Variants in BRINP3 observed in about 807,000 individuals in gnomAD.
The protein encoded by BRINP3 is BMP/retinoic acid inducible neural specific 3, also known as BMP/retinoic acid-inducible neural-specific protein 3.
A neutral mutation model predicts 71.0 loss-of-function variants in BRINP3; 19 were observed. The ratio of observed to expected loss-of-function variants is 0.27; its 90% CI spans 0.19 to 0.39. BRINP3 has a LOEUF of 0.39. Among genes scored for constraint, BRINP3 ranks in the 10% least tolerant of loss-of-function variants. The probability of loss-of-function intolerance (pLI) is 1.00; values close to 1 mark genes in which losing one functional copy is unlikely to be tolerated. For synonymous variants in BRINP3, 380 were observed against 337.7 expected (o/e 1.13, Z -1.37); for missense variants, 959 against 940.8 (o/e 1.02, Z -0.25).
intron 7 of BRINP3, among the ~76,000 whole-genome samples, chr1:190,126,220 C>T (rs1272104699): frequency 6.6e-6 from 1 of 151,950 alleles, no homozygotes; most frequent in Non-Finnish European, 1.5e-5. Context: ...AACCTAAGAA[C>T]AATTTAAAAA....
chr1:190,447,010 C>G (rs1202984689), intron 2 of BRINP3, among the ~76,000 whole-genome samples: 1 of 151,768 alleles, frequency 6.6e-6, no homozygotes, highest in East Asian at 1.9e-4. Flanking sequence ...AAAGTTCTGT[C>G]TTCCATGTAT....
At chr1:190,132,245 A>T (rs1306595612) in intron 7 of BRINP3, among the ~76,000 whole-genome samples, 2 of 152,098 alleles carry the variant, frequency 1.3e-5, no homozygotes, top group Admixed American at 1.3e-4. Context: ...CTACCTAATC[A>T]ATCATTCTTT....
intron 2 of BRINP3, among the ~76,000 whole-genome samples, chr1:190,299,187 T>C (rs1044160822): frequency 6.6e-6 from 1 of 152,084 alleles, no homozygotes; most frequent in Non-Finnish European, 1.5e-5. Context: ...CTAACCTATA[T>C]TGTTATATTT....
intron 7 of BRINP3, among the ~76,000 whole-genome samples, chr1:190,113,284 T>G (rs1652848190): frequency 6.6e-6 from 1 of 152,130 alleles, no homozygotes; most frequent in Non-Finnish European, 1.5e-5. Context: ...CTCCTCCTCA[T>G]CCTCCCTCTC....
intron 2 of BRINP3, among the ~76,000 whole-genome samples, chr1:190,413,285 A>G (rs1338184948): frequency 6.6e-6 from 1 of 152,140 alleles, no homozygotes; most frequent in African/African-American, 2.4e-5. Context: ...GGGGACTGAT[A>G]TAATTAGGCA....
intron 7 of BRINP3, among the ~76,000 whole-genome samples, chr1:190,151,096 G>A (rs1237055038): frequency 1.3e-5 from 2 of 152,022 alleles, no homozygotes. Flanking sequence ...GCAGTGAGCC[G>A]AGATAGTGCC....
At chr1:190,464,195 G>A (rs1571383208) in intron 1 of BRINP3, among the ~76,000 whole-genome samples, 2 of 151,500 alleles carry the variant, frequency 1.3e-5, no homozygotes, top group Non-Finnish European at 3.0e-5. Flanking sequence ...AAGAAAAATG[G>A]TATTTAATTC....
intron 7 of BRINP3, among the ~76,000 whole-genome samples, chr1:190,145,239 A>ACATTAAATGTTTATT (rs1381459404): frequency 6.6e-6 from 1 of 152,166 alleles, no homozygotes; most frequent in East Asian, 1.9e-4. Context: ...TATTTGTCCA[A>ACATTAAATGTTTATT]TGAAATAAAA....
chr1:190,199,443 A>G (rs193101409), intron 6 of BRINP3, among the ~76,000 whole-genome samples: 6 of 152,250 alleles, frequency 3.9e-5, no homozygotes, highest in Admixed American at 6.5e-5. Context: ...CAAATGTCCA[A>G]CGTTTGATAG....
chr1:190,362,751 T>A (rs1435894739), intron 2 of BRINP3, among the ~76,000 whole-genome samples: 1 of 152,158 alleles, frequency 6.6e-6, no homozygotes, highest in Admixed American at 6.5e-5. Flanking sequence ...TTTGCTTTCC[T>A]CTCATTCTGT....
chr1:190,160,589 C>G, intron 7 of BRINP3, 79 bp downstream of exon 7: 1 of 1,154,082 alleles, frequency 8.7e-7, no homozygotes, highest in Non-Finnish European at 1.3e-6. Context: ...TATATTAACA[C>G]ACCTGCATTC....
chr1:190,473,095 A>G (rs1347434240), intron 1 of BRINP3, among the ~76,000 whole-genome samples: 1 of 151,922 alleles, frequency 6.6e-6, no homozygotes, highest in African/African-American at 2.4e-5. Flanking sequence ...AACAACATAG[A>G]TTTAAAATAA....
chr1:190,362,638 CG>C (rs1669223630), intron 2 of BRINP3, among the ~76,000 whole-genome samples: 1 of 152,038 alleles, frequency 6.6e-6, no homozygotes, highest in African/African-American at 2.4e-5. Flanking sequence ...GGGAGGAACC[CG>C]GTGGGAGATA....
At chr1:190,402,148 G>A (rs1671968911) in intron 2 of BRINP3, among the ~76,000 whole-genome samples, 1 of 152,014 alleles carries the variant, frequency 6.6e-6, no homozygotes. Context: ...ATTGATAAAA[G>A]ATCACTGATG....
intron 2 of BRINP3, among the ~76,000 whole-genome samples, chr1:190,321,235 C>A (rs537898164): frequency 2.6e-5 from 4 of 151,936 alleles, no homozygotes; most frequent in Non-Finnish European, 5.9e-5. Context: ...AAATCCAATA[C>A]CCAATAGCAT....
intron 7 of BRINP3, among the ~76,000 whole-genome samples, chr1:190,128,601 G>A (rs1372841692): frequency 2.0e-5 from 3 of 151,642 alleles, no homozygotes; most frequent in African/African-American, 7.3e-5. Context: ...GACAAAAATG[G>A]TAGAATGAGA....
At chr1:190,364,564 T>C (rs969291394) in intron 2 of BRINP3, among the ~76,000 whole-genome samples, 1 of 151,952 alleles carries the variant, frequency 6.6e-6, no homozygotes. Context: ...AGTGTAATGG[T>C]TACACTTTGG....
chr1:190,339,761 A>T (rs893421651), intron 2 of BRINP3, among the ~76,000 whole-genome samples: 1 of 151,896 alleles, frequency 6.6e-6, no homozygotes, highest in Non-Finnish European at 1.5e-5. Flanking sequence ...CTGTTATCGT[A>T]TGGGTGTGTT....
chr1:190,189,837 A>G (rs575433971), intron 6 of BRINP3, among the ~76,000 whole-genome samples: 27 of 152,196 alleles, frequency 1.8e-4, no homozygotes, highest in Admixed American at 1.2e-3. Flanking sequence ...TTGTTTGTCA[A>G]TGTTTGTGTT....
Sources: gnomAD v4.1 joint callset for allele counts (sites outside exome capture counted in the v4.1 genomes callset) on GRCh38, gnomAD v4.1.1 for gene constraint, MANE v1.5 for transcripts, NCBI Gene and HGNC (gene_info 2026-07-23, HGNC 2026-07-21) for gene names.